The following ANKS1B variants were observed in gnomAD, a reference collection of about 807,000 sequenced individuals.
The protein encoded by ANKS1B is ankyrin repeat and sterile alpha motif domain containing 1B, also known as ankyrin repeat and sterile alpha motif domain-containing protein 1B.
Under a neutral mutation model 148.3 loss-of-function variants are expected in ANKS1B, and 36 were observed. That is an observed-to-expected ratio of 0.24 (90% CI 0.19 to 0.32). The LOEUF (loss-of-function observed/expected upper bound fraction) is 0.32. Among genes scored for constraint, ANKS1B ranks in the 10% least tolerant of loss-of-function variants. The pLI, the probability that ANKS1B is intolerant of heterozygous loss-of-function variation, is 1.00. For missense variants in ANKS1B, 1,157 were observed against 1,542.6 expected, an observed-to-expected ratio of 0.75 and a Z score of 4.19; for synonymous variants, 542 against 560.8, an observed-to-expected ratio of 0.97 and a Z score of 0.47.
At chr12:99,967,062 A>G (rs559862266) in intron 1 of ANKS1B, among the ~76,000 whole-genome samples, 1 of 152,174 alleles carries the variant, frequency 6.6e-6, no homozygotes, top group African/African-American at 2.4e-5. Flanking sequence ...GTGTAAACAA[A>G]TGACTTATTA....
chr12:99,345,886 T>A (rs569596489), intron 12 of ANKS1B, among the ~76,000 whole-genome samples: 1 of 152,002 alleles, frequency 6.6e-6, no homozygotes, highest in Admixed American at 6.6e-5. Context: ...TGTGCACGGA[T>A]AACCTTCACA....
At chr12:99,376,664 C>G (rs1257623634) in intron 12 of ANKS1B, among the ~76,000 whole-genome samples, 1 of 152,162 alleles carries the variant, frequency 6.6e-6, no homozygotes, top group African/African-American at 2.4e-5. Flanking sequence ...ATGGGCTACT[C>G]TCCCATATGA....
chr12:99,658,373 A>G (rs1057010230), intron 8 of ANKS1B, among the ~76,000 whole-genome samples: 2 of 152,168 alleles, frequency 1.3e-5, no homozygotes, highest in African/African-American at 4.8e-5. Flanking sequence ...TACAGCTTCA[A>G]TAAGTATTAA....
intron 17 of ANKS1B, among the ~76,000 whole-genome samples, chr12:98,987,113 A>C (rs2099923936): frequency 6.6e-6 from 1 of 152,032 alleles, no homozygotes; most frequent in Non-Finnish European, 1.5e-5. Context: ...CGATTTAAAT[A>C]GTATTTTCAT....
intron 17 of ANKS1B, among the ~76,000 whole-genome samples, chr12:99,043,635 G>C (rs1338318699): frequency 6.6e-6 from 1 of 152,162 alleles, no homozygotes; most frequent in Non-Finnish European, 1.5e-5. Flanking sequence ...TTCCAATTTA[G>C]CATAATACAT....
In ANKS1B at chr12:99,426,538, T is replaced by G. The variant is rs533635113; in HGVS notation, c.1575+17135A>C. ...ATTCCTGTGTCCATTTAGCATATATTTATTGTCAAGTTCTTGGCTAAAGCA... is the reference window on the plus strand; with the variant it reads ...ATTCCTGTGTCCATTTAGCATATATGTATTGTCAAGTTCTTGGCTAAAGCA... On this transcript the variant is annotated intron_variant, in intron 11 of 26. Coordinates refer to ENST00000683438, the MANE Select transcript of ANKS1B (RefSeq NM_001352186.2). Among the ~76,000 whole-genome samples, 29 of 152,290 alleles carry G rather than the reference T, an allele frequency of 1.9e-4. No homozygotes were observed. The South Asian group carries it at 5.8e-3, about 30-fold the overall frequency.
chr12:99,964,412 T>A (rs1450386975), intron 1 of ANKS1B, among the ~76,000 whole-genome samples: 1 of 152,232 alleles, frequency 6.6e-6, no homozygotes, highest in East Asian at 1.9e-4. Context: ...TCCTTCCTTC[T>A]CATTTCCCTT....
intron 10 of ANKS1B, among the ~76,000 whole-genome samples, chr12:99,455,076 T>G (rs2095823126): frequency 6.6e-6 from 1 of 152,226 alleles, no homozygotes; most frequent in Admixed American, 6.5e-5. Context: ...CATTTTAGGT[T>G]GTATGCTTTC....
chr12:99,580,976 A>G (rs1309797259), intron 9 of ANKS1B, among the ~76,000 whole-genome samples: 2 of 152,170 alleles, frequency 1.3e-5, no homozygotes, highest in East Asian at 3.9e-4. Context: ...ATTCTTTCCA[A>G]ATTGACCTAT....
intron 14 of ANKS1B, chr12:99,155,057 T>C (rs952310145): frequency 1.8e-5 from 27 of 1,534,888 alleles, no homozygotes; most frequent in Middle Eastern, 1.7e-4. Flanking sequence ...AGTGCTTAAA[T>C]CTGAATTGAA....
At chr12:99,979,215 G>T (rs1454397048) in intron 1 of ANKS1B, among the ~76,000 whole-genome samples, 1 of 152,162 alleles carries the variant, frequency 6.6e-6, no homozygotes, top group Non-Finnish European at 1.5e-5. Flanking sequence ...AAGGATGAAA[G>T]GGGGTAGTAA....
rs148411960 is a variant in ANKS1B at position 99,698,958 on chromosome 12, C to CTG, written c.1129-43750_1129-43749dup. ...AGCTTGTTTTCTTCCTACTGCTGTT[C>CTG]TGTGTGTGTGTGTGGGTGTGCACGC... is the stretch of plus-strand genomic sequence containing the variant. On this transcript the variant is annotated intron_variant, in intron 8 of 26. Transcript: ENST00000683438. Among the ~76,000 whole-genome samples, 627 of 97,106 alleles carry CTG rather than the reference C, an allele frequency of 6.5e-3. 1 individual carries two copies. Among genetic ancestry groups the CTG allele is most frequent in the Admixed American group, 0.018 (146 of 7,902 alleles). 63.7% of individuals were successfully genotyped at this position (97,106 alleles called of 152,430 possible).
intron 9 of ANKS1B, among the ~76,000 whole-genome samples, chr12:99,592,180 C>T (rs971333167): frequency 3.9e-5 from 6 of 151,938 alleles, no homozygotes; most frequent in African/African-American, 1.5e-4. Flanking sequence ...AATTTTAGTT[C>T]TGTTCATTTT....
intron 11 of ANKS1B, among the ~76,000 whole-genome samples, chr12:99,427,481 G>A (rs1006580172): frequency 1.3e-5 from 2 of 152,084 alleles, no homozygotes; most frequent in Non-Finnish European, 1.5e-5. Context: ...GTTCCAGCTC[G>A]AATACCACCT....
At chr12:99,484,456 G>A (rs904571420) in intron 10 of ANKS1B, among the ~76,000 whole-genome samples, 1 of 151,974 alleles carries the variant, frequency 6.6e-6, no homozygotes, top group Non-Finnish European at 1.5e-5. Context: ...TGAGAAGAAT[G>A]TATATTCTAT....
At chr12:99,074,808 G>A (rs368307693) in intron 16 of ANKS1B, among the ~76,000 whole-genome samples, 313 of 152,254 alleles carry the variant, frequency 2.1e-3, no homozygotes, top group Middle Eastern at 0.014. Flanking sequence ...CAGCATTTTT[G>A]TTTGGCTCAG....
At chr12:99,967,907 C>CAA (rs71436975) in intron 1 of ANKS1B, among the ~76,000 whole-genome samples, 8 of 106,874 alleles carry the variant, frequency 7.5e-5, no homozygotes, top group South Asian at 3.5e-4. Flanking sequence ...AACTCCGTCT[C>CAA]AAAAAAAAAA....
intron 8 of ANKS1B, among the ~76,000 whole-genome samples, chr12:99,725,353 CA>C (rs1480713276): frequency 1.3e-5 from 2 of 152,100 alleles, no homozygotes; most frequent in African/African-American, 4.8e-5. Flanking sequence ...GCAGGGGTTG[CA>C]ATCCTAGTCT....
intron 8 of ANKS1B, among the ~76,000 whole-genome samples, chr12:99,662,263 C>T (rs760441387): frequency 6.6e-6 from 1 of 152,174 alleles, no homozygotes; most frequent in Non-Finnish European, 1.5e-5. Flanking sequence ...TTGATGCTCT[C>T]ATCAAGATTA....
Sources: gnomAD v4.1 joint callset for allele counts (sites outside exome capture counted in the v4.1 genomes callset) on GRCh38, gnomAD v4.1.1 for gene constraint, MANE v1.5 for transcripts, NCBI Gene and HGNC (gene_info 2026-07-23, HGNC 2026-07-21) for gene names.